The following FAM53B variants were observed in gnomAD, a reference collection of about 807,000 sequenced individuals.
FAM53B encodes protein FAM53B.
Under a neutral mutation model 32.7 loss-of-function variants are expected in FAM53B, and 12 were observed. That is an observed-to-expected ratio of 0.37 (90% CI 0.24 to 0.59). FAM53B has a LOEUF of 0.59. Ranked by LOEUF, FAM53B falls within the 20% of genes least tolerant of loss-of-function variation. The pLI is 0.72. For synonymous variants in FAM53B, 234 were observed against 228.7 expected, an observed-to-expected ratio of 1.02 and a Z score of -0.21; for missense variants, 477 against 577.7, an observed-to-expected ratio of 0.83 and a Z score of 1.79.
At chr10:124,691,375 T>C (rs1589752123) in intron 3 of FAM53B, among the ~76,000 whole-genome samples, 1 of 152,374 alleles carries the variant, frequency 6.6e-6, no homozygotes, top group South Asian at 2.1e-4. Flanking sequence ...TTATACATAA[T>C]GTATGATCCT....
chr10:124,706,884 C>T lies in FAM53B; in HGVS notation c.-171G>A. On this transcript the variant is annotated 5_prime_UTR_variant, in exon 2 of 5. Coordinates refer to ENST00000337318, the MANE Select transcript of FAM53B (RefSeq NM_014661.4). ...CTGGGAAATGGCCAAATGTGGTCAACTCCCTGGAAAGACAAAAGAAAAGCA... is the reference window on the plus strand; with the variant it reads ...CTGGGAAATGGCCAAATGTGGTCAATTCCCTGGAAAGACAAAAGAAAAGCA... The T allele has an allele frequency of 6.9e-7, 1 of 1,446,472 alleles. No homozygotes were observed. 89.6% of individuals were successfully genotyped at this position (1,446,472 alleles called of 1,614,324 possible). A position where few individuals can be genotyped will look rare whatever the true frequency, so the allele number is the denominator to read the frequency against.
At chr10:124,736,775 C>A (rs919825645) in intron 1 of FAM53B, among the ~76,000 whole-genome samples, 1 of 152,258 alleles carries the variant, frequency 6.6e-6, no homozygotes, top group Non-Finnish European at 1.5e-5. Flanking sequence ...GGACACACAG[C>A]GGCCCCAGAC....
chr10:124,710,587 G>A (rs1440097350), intron 1 of FAM53B, among the ~76,000 whole-genome samples: 2 of 152,288 alleles, frequency 1.3e-5, no homozygotes, highest in Non-Finnish European at 2.9e-5. Flanking sequence ...CGGGGGCATG[G>A]CCAAGAAAAA....
Position 124,682,480 on chromosome 10 carries a change from A to G in FAM53B, c.134-101T>C. On this transcript the variant is annotated intron_variant, in intron 3 of 4. Transcript: ENST00000337318. The surrounding 1 kb of genome is among the most constrained non-coding windows in gnomAD (Gnocchi z 5.2). ...CAGCCCGTTTCAAACACAGTATCTT[A>G]GAGCCAAAAGGCCCTTAGAAACCAT... 1 of 1,040,494 alleles carries G rather than the reference A, an allele frequency of 9.6e-7. No homozygotes were observed. Among genetic ancestry groups the G allele is most frequent in the Non-Finnish European group, 1.4e-6 (1 of 730,638 alleles). The allele number at this position is 1,040,494 out of a possible 1,614,324, so 64.5% of individuals were successfully genotyped here. A position where few individuals can be genotyped will look rare whatever the true frequency, so the allele number is the denominator to read the frequency against.
At chr10:124,675,076 C>G (rs1354371147) in intron 4 of FAM53B, among the ~76,000 whole-genome samples, 2 of 152,214 alleles carry the variant, frequency 1.3e-5, no homozygotes, top group Non-Finnish European at 2.9e-5. Context: ...CTCCTCTTCC[C>G]CAGGAGATCA....
chr10:124,669,606 G>A (rs929502898), intron 4 of FAM53B, among the ~76,000 whole-genome samples: 5 of 152,182 alleles, frequency 3.3e-5, no homozygotes, highest in Non-Finnish European at 5.9e-5. Flanking sequence ...ACGTGAGGAT[G>A]TCACCATCCC....
In FAM53B at chr10:124,696,726, G is replaced by T. The variant is rs886107121; in HGVS notation, c.79-514C>A. On this transcript the variant is annotated intron_variant, in intron 2 of 4. Transcript: ENST00000337318. ...AGCATGGGGAGAGCTCGGAAGGGCT[G>T]GCGTCTGCTCTGCAGACTGTTTTGT... Among the ~76,000 whole-genome samples the T allele has an allele frequency of 5.9e-5, 9 of 152,272 alleles. No individual in the cohort carries two copies. In the East Asian group the frequency reaches 1.7e-3, roughly 29 times the overall value.
intron 4 of FAM53B, among the ~76,000 whole-genome samples, chr10:124,669,962 T>C (rs201114189): frequency 1.2e-4 from 5 of 42,770 alleles, no homozygotes; most frequent in Non-Finnish European, 2.7e-4. Context: ...TGGGTGAGGA[T>C]TACAGGGTGG....
intron 1 of FAM53B, among the ~76,000 whole-genome samples, chr10:124,743,576 T>G (rs1950212805): frequency 6.6e-6 from 1 of 152,066 alleles, no homozygotes; most frequent in Admixed American, 6.5e-5. Context: ...TGCGGGAACT[T>G]CGGGGCGAAT....
At chr10:124,658,949 T>C (rs1265493381) in intron 4 of FAM53B, among the ~76,000 whole-genome samples, 4 of 152,214 alleles carry the variant, frequency 2.6e-5, no homozygotes, top group African/African-American at 7.2e-5. Context: ...CTTACCTGCC[T>C]AGAACCGGCA....
At chr10:124,656,213 C>A (rs1344812372) in intron 4 of FAM53B, among the ~76,000 whole-genome samples, 4 of 152,372 alleles carry the variant, frequency 2.6e-5, no homozygotes, top group South Asian at 4.1e-4. Context: ...GGCGGACATA[C>A]AACCAAGAGG....
At chr10:124,679,223 TG>T (rs1949753925) in intron 4 of FAM53B, among the ~76,000 whole-genome samples, 1 of 151,882 alleles carries the variant, frequency 6.6e-6, no homozygotes, top group South Asian at 2.1e-4. Flanking sequence ...CTTGCTTCCA[TG>T]GGCATGCAGA....
At chr10:124,629,204 G>C (rs1949374873) in intron 4 of FAM53B, among the ~76,000 whole-genome samples, 1 of 151,870 alleles carries the variant, frequency 6.6e-6, no homozygotes, top group Non-Finnish European at 1.5e-5. Flanking sequence ...AGGGGTGGTT[G>C]TTGGGGACGC....
At chr10:124,696,585 AG>A (rs1949873110) in intron 2 of FAM53B, among the ~76,000 whole-genome samples, 1 of 152,204 alleles carries the variant, frequency 6.6e-6, no homozygotes, top group East Asian at 1.9e-4. Flanking sequence ...CCAAGAGAGG[AG>A]GGGACCTCCC....
intron 4 of FAM53B, among the ~76,000 whole-genome samples, chr10:124,626,661 C>T (rs1214755226): frequency 6.6e-6 from 1 of 152,222 alleles, no homozygotes; most frequent in Non-Finnish European, 1.5e-5. Flanking sequence ...CAGTCTAAGG[C>T]ATCTTTGTCA....
intron 4 of FAM53B, among the ~76,000 whole-genome samples, chr10:124,656,774 G>C (rs888117529): frequency 2.0e-5 from 3 of 152,038 alleles, no homozygotes; most frequent in African/African-American, 7.3e-5. Context: ...CACAGTCTTT[G>C]AAACTGAACA....
intron 1 of FAM53B, among the ~76,000 whole-genome samples, chr10:124,731,646 G>A (rs911068300): frequency 2.6e-5 from 4 of 150,978 alleles, no homozygotes; most frequent in Non-Finnish European, 5.9e-5. Flanking sequence ...CTGTTCTGGA[G>A]CCCATCCCAC....
At position 124,623,551 on chromosome 10, in the gene FAM53B, G is replaced by A. The variant is rs759149920; in HGVS notation, c.960C>T (p.Cys320=). ...LSCLSAGTED[C]GPQSPFARHV... is the part of the protein sequence containing the mutation. Reference sequence around the variant, plus strand: ...GGCGGGCGAAGGGGCTCTGGGGACCGCAGTCCTCTGTCCCTGCGCTCAGGC... The same window carrying A: ...GGCGGGCGAAGGGGCTCTGGGGACCACAGTCCTCTGTCCCTGCGCTCAGGC... Residue 320 remains cysteine, a synonymous_variant, in exon 5 of 5, where the codon TGC becomes TGT. Coordinates refer to ENST00000337318, the MANE Select transcript of FAM53B (RefSeq NM_014661.4). The A allele has an allele frequency of 2.8e-5, 45 of 1,585,232 alleles. No homozygotes were observed. Among genetic ancestry groups the A allele is most frequent in the African/African-American group, 2.3e-4 (17 of 74,604 alleles).
intron 4 of FAM53B, among the ~76,000 whole-genome samples, chr10:124,652,030 G>A (rs1564868171): frequency 6.6e-6 from 1 of 152,190 alleles, no homozygotes; most frequent in Non-Finnish European, 1.5e-5. Context: ...GGGCATACCT[G>A]GAGAATTTCA....
Sources: allele counts gnomAD v4.1 joint callset (sites outside exome capture counted in the v4.1 genomes callset), GRCh38; gene constraint gnomAD v4.1.1; non-coding constraint Gnocchi (gnomAD v3.1); transcripts MANE v1.5; gene names NCBI Gene and HGNC (gene_info 2026-07-23, HGNC 2026-07-21).